The following SLC19A3 variants were observed in gnomAD, a reference collection of about 807,000 sequenced individuals.
SLC19A3 encodes the protein thiamine transporter 2.
In SLC19A3, 31 loss-of-function variants were observed where a neutral mutation model predicts 40.2. The observed-to-expected ratio is 0.77, with a 90% CI of 0.58 to 1.04. The LOEUF is 1.04. Ranked by LOEUF, SLC19A3 falls within the 50% of genes least tolerant of loss-of-function variation. The pLI is 0.00. For synonymous variants in SLC19A3, 212 were observed against 227.5 expected (o/e 0.93, Z 0.61); for missense variants, 592 against 596.7 (o/e 0.99, Z 0.08).
intron 2 of SLC19A3, chr2:227,701,056 T>G: frequency 4.6e-6 from 6 of 1,304,176 alleles, no homozygotes; most frequent in Non-Finnish European, 6.1e-6. Flanking sequence ...TTCATTGAGT[T>G]GCTTCTGACC....
chr2:227,688,667 A>G (rs1342560890), intron 4 of SLC19A3, among the ~76,000 whole-genome samples: 1 of 152,164 alleles, frequency 6.6e-6, no homozygotes, highest in African/African-American at 2.4e-5. Flanking sequence ...ACAGGTACAA[A>G]AAAGCCCAGA....
chr2:227,715,985 C>T (rs1000921874), intron 1 of SLC19A3, among the ~76,000 whole-genome samples: 2 of 147,492 alleles, frequency 1.4e-5, no homozygotes, highest in African/African-American at 5.0e-5. Context: ...ATTTCAAAAA[C>T]CCCAAACAAA....
chr2:227,687,500 G>A lies in SLC19A3; in HGVS notation c.1388C>T (p.Ser463Leu). 1 of 1,614,086 alleles carries A rather than the reference G, an allele frequency of 6.2e-7. No individual in the cohort carries two copies. Among genetic ancestry groups the A allele is most frequent in the Non-Finnish European group, 8.5e-7 (1 of 1,179,972 alleles). Residue 463 changes from serine to leucine, a missense_variant, in exon 6 of 6, where the codon TCA (serine) becomes TTA (leucine). Transcript: ENST00000644224. Reference protein sequence around the residue: ...FLMRSMYITYSTKSQKDVQSP... With the variant: ...FLMRSMYITYLTKSQKDVQSP... ...CTGTACATCCTTCTGGGATTTGGTT[G>A]AGTAGGTAATATACATGCTTCTCAT...
rs1695098053 is a variant in SLC19A3, at chr2:227,688,313, A to C, written c.1173-6T>G. 1 of 1,613,360 alleles carries C rather than the reference A, an allele frequency of 6.2e-7. No homozygotes were observed. Among genetic ancestry groups the C allele is most frequent in the Non-Finnish European group, 8.5e-7 (1 of 1,179,458 alleles). On this transcript the variant is annotated splice_region_variant and splice_polypyrimidine_tract_variant and intron_variant, in intron 4 of 5. Coordinates refer to ENST00000644224, the MANE Select transcript of SLC19A3 (RefSeq NM_025243.4). The stretch of plus-strand genomic sequence containing the variant: ...GATTAACTGCAATCTGAAATCTATC[A>C]TTAAACATAAATAAGCATTTTAACT...
intron 1 of SLC19A3, among the ~76,000 whole-genome samples, chr2:227,713,932 G>A (rs1441053153): frequency 1.3e-5 from 2 of 148,988 alleles, no homozygotes; most frequent in African/African-American, 2.5e-5. Flanking sequence ...CAAAACAACC[G>A]AAACTACTTC....
At chr2:227,696,805 C>A (rs1436697948) in intron 3 of SLC19A3, among the ~76,000 whole-genome samples, 1 of 152,162 alleles carries the variant, frequency 6.6e-6, no homozygotes, top group African/African-American at 2.4e-5. Flanking sequence ...GTGGCGCACT[C>A]CTGTAATCCC....
intron 5 of SLC19A3, 50 bp downstream of exon 5, chr2:227,688,116 T>A: frequency 6.2e-7 from 1 of 1,606,194 alleles, no homozygotes; most frequent in Non-Finnish European, 8.5e-7. Flanking sequence ...GTTGTAAGGT[T>A]GAGAAATTTT....
At position 227,685,050 on chromosome 2, in the gene SLC19A3, A is replaced by G. The variant is rs536613273; in HGVS notation, c.*2347T>C. ...AGCGGCCATTCCTTCCTTGCCTTTA[A>G]TGTAAGTAGGAATGTTATTAGTTTT... is the stretch of plus-strand genomic sequence containing the variant. On this transcript the variant is annotated 3_prime_UTR_variant, in exon 6 of 6. Coordinates refer to ENST00000644224, the MANE Select transcript of SLC19A3 (RefSeq NM_025243.4). The G allele has an allele frequency of 1.3e-5, 2 of 149,834 alleles. No individual in the cohort carries two copies. The highest frequency in any genetic ancestry group is 4.9e-5 in the African/African-American group (2 of 41,120). 9.3% of individuals were successfully genotyped at this position (149,834 alleles called of 1,614,324 possible). A position where few individuals can be genotyped will look rare whatever the true frequency, so the allele number is the denominator to read the frequency against.
Position 227,700,865 on chromosome 2 carries a change from T to C in SLC19A3, c.151-1301A>G, listed in dbSNP as rs993921482. 1.3e-5 allele frequency: 16 copies of C among 1,226,980 alleles called. No homozygotes were observed. The African/African-American group carries it at 2.3e-4, about 18-fold the overall frequency. 76.0% of individuals were successfully genotyped at this position (1,226,980 alleles called of 1,614,324 possible). On this transcript the variant is annotated intron_variant, in intron 2 of 5. Coordinates refer to ENST00000644224, the MANE Select transcript of SLC19A3 (RefSeq NM_025243.4). Reference sequence around the variant, plus strand: ...TGGAAGGACTGGAGTTGCTGATCTGTAGGGATGGGTGAGTGCCGCAGCCTC... The same window carrying C: ...TGGAAGGACTGGAGTTGCTGATCTGCAGGGATGGGTGAGTGCCGCAGCCTC...
At position 227,687,417 on chromosome 2, in the gene SLC19A3, T is replaced by TGATATTAC; in HGVS notation, c.1463_1470dup (p.Ile491ValfsTer25). The TGATATTAC allele has an allele frequency of 6.2e-7, 1 of 1,611,332 alleles. No individual in the cohort carries two copies. ...TGAGGTTAGAGTTTTGTTGACATGA[T>TGATATTAC]GATATTACTCTCTTCCTCTGGGTGA... On this transcript the variant is annotated frameshift_variant, in exon 6 of 6. Transcript: ENST00000644224. LOFTEE classifies it high-confidence loss of function.
chr2:227,695,616 T>C lies in SLC19A3; in HGVS notation c.1172+273A>G, dbSNP rs6721696. 10,062 of 405,328 alleles carry C rather than the reference T, an allele frequency of 0.025. 420 individuals are homozygous for C. Among genetic ancestry groups the C allele is most frequent in the African/African-American group, 0.16 (6,013 of 37,818 alleles). 25.1% of individuals were successfully genotyped at this position (405,328 alleles called of 1,614,324 possible). On this transcript the variant is annotated intron_variant, in intron 4 of 5. Transcript: ENST00000644224. The stretch of plus-strand genomic sequence containing the variant: ...GAGCCAGGCCATCTCTCAAACAAAA[T>C]AAAACAAAAAGAAAAACCTGACAAT...
chr2:227,716,955 A>G (rs1239858639), intron 1 of SLC19A3, among the ~76,000 whole-genome samples: 1 of 147,368 alleles, frequency 6.8e-6, no homozygotes, highest in Non-Finnish European at 1.5e-5. Flanking sequence ...GGAGACACCA[A>G]TGTTTCAATA....
In SLC19A3 at chr2:227,684,740, T is replaced by C. The variant is rs1425748724; in HGVS notation, c.*2657A>G. 1 of 151,978 alleles carries C rather than the reference T, an allele frequency of 6.6e-6. No homozygotes were observed. The highest frequency in any genetic ancestry group is 2.1e-4 in the South Asian group (1 of 4,812). The allele number at this position is 151,978 out of a possible 1,614,324, so 9.4% of individuals were successfully genotyped here. A position where few individuals can be genotyped will look rare whatever the true frequency, so the allele number is the denominator to read the frequency against. ...GCTGAAGCCTGTAATCCCAACACTT[T>C]GGGAGACCGAGACGGGCGGATCACC... On this transcript the variant is annotated 3_prime_UTR_variant, in exon 6 of 6. Coordinates refer to ENST00000644224, the MANE Select transcript of SLC19A3 (RefSeq NM_025243.4).
chr2:227,714,622 C>G (rs962565683), intron 1 of SLC19A3: 3 of 982,858 alleles, frequency 3.1e-6, no homozygotes, highest in South Asian at 9.4e-5. Context: ...TAGCTTTATA[C>G]GCAGAAGCCC....
chr2:227,710,677 C>T (rs10174844), intron 1 of SLC19A3, among the ~76,000 whole-genome samples: 2,206 of 152,138 alleles, frequency 0.015, 53 homozygotes, highest in African/African-American at 0.049. Flanking sequence ...ATCTATGGAC[C>T]CCACTCCAAG....
intron 1 of SLC19A3, among the ~76,000 whole-genome samples, chr2:227,709,356 G>A (rs1281598740): frequency 3.6e-4 from 55 of 152,056 alleles, no homozygotes; most frequent in Non-Finnish European, 7.4e-5. Flanking sequence ...ATGGTGGCGG[G>A]CACCTGTAAT....
chr2:227,705,859 C>G (rs937857913), intron 1 of SLC19A3, among the ~76,000 whole-genome samples: 1 of 152,018 alleles, frequency 6.6e-6, no homozygotes, highest in Non-Finnish European at 1.5e-5. Flanking sequence ...TACCCCAGAA[C>G]TTAAAATAAA....
In SLC19A3 at chr2:227,699,364, G is replaced by A. The variant is rs754025610; in HGVS notation, c.351C>T (p.Thr117=). 1.6e-5 allele frequency: 26 copies of A among 1,614,056 alleles called. No individual in the cohort carries two copies. Among genetic ancestry groups the A allele is most frequent in the African/African-American group, 1.3e-4 (10 of 74,998 alleles). The change falls in exon 3 of 6, where the codon ACC becomes ACT. Residue 117 remains threonine (T), a synonymous_variant. Transcript: ENST00000644224. ...QVVEFFYGMV[T]AAEVAYYAYI... ...AGGCGTAGTAGGCCACCTCGGCGGC[G>A]GTGACCATCCCATAGAAGAACTCTA...
In SLC19A3 at chr2:227,702,336, CAA is replaced by C. The variant is rs906073175; in HGVS notation, c.-2-18_-2-17del. The stretch of plus-strand genomic sequence containing the variant: ...CAATCCATGGCTGATCAAATGGAAA[CAA>C]AGAGAAAATTAAGTGATGCTTATTC... On this transcript the variant is annotated splice_polypyrimidine_tract_variant and intron_variant, in intron 1 of 5. Transcript: ENST00000644224. 1.9e-6 allele frequency: 3 copies of C among 1,612,498 alleles called. No individual in the cohort carries two copies. The highest frequency in any genetic ancestry group is 2.2e-5 in the East Asian group (1 of 44,812).
Sources: gnomAD v4.1 joint callset for allele counts (sites outside exome capture counted in the v4.1 genomes callset) on GRCh38, gnomAD v4.1.1 for gene constraint, MANE v1.5 for transcripts, NCBI Gene and HGNC (gene_info 2026-07-23, HGNC 2026-07-21) for gene names.